KDM6A: variants seen among roughly 807,000 people sequenced by gnomAD.
The protein encoded by KDM6A is lysine demethylase 6A.
Under a neutral mutation model 117.6 loss-of-function variants are expected in KDM6A, and 11 were observed. The ratio of observed to expected loss-of-function variants is 0.09; its 90% confidence interval spans 0.06 to 0.15. The LOEUF (loss-of-function observed/expected upper bound fraction) is 0.15, where lower values mean the gene tolerates loss of function less well. KDM6A is among the 10% of genes least tolerant of loss of function. The probability of loss-of-function intolerance (pLI) is 1.00; values close to 1 mark genes in which losing one functional copy is unlikely to be tolerated. For synonymous variants in KDM6A, 384 were observed against 396.1 expected, an observed-to-expected ratio of 0.97 and a Z score of 0.36; for missense variants, 799 against 1,077.3, an observed-to-expected ratio of 0.74 and a Z score of 3.62.
At chrX:44,963,499 C>CTCTGTCTG (rs376377966) in intron 3 of KDM6A, among the ~76,000 whole-genome samples, 12 of 81,137 alleles carry the variant, frequency 1.5e-4, no homozygotes, top group Admixed American at 5.3e-4. Flanking sequence ...GTCTGTCTGT[C>CTCTGTCTG]TCTGTCTGTC....
intron 2 of KDM6A, among the ~76,000 whole-genome samples, chrX:44,941,601 C>T (rs1486995678): frequency 6.4e-5 from 7 of 108,920 alleles, no homozygotes; most frequent in Admixed American, 3.9e-4. Context: ...CTGCCCCAGC[C>T]TCCCGAGTAG....
chrX:45,072,577 C>G (rs2044902310), intron 18 of KDM6A, among the ~76,000 whole-genome samples: 1 of 110,313 alleles, frequency 9.1e-6, no homozygotes, highest in East Asian at 2.8e-4. Context: ...ACCTGCTCCT[C>G]ACTCATCTGC....
At chrX:44,913,046 C>T (rs111331492) in intron 2 of KDM6A, among the ~76,000 whole-genome samples, 1 of 111,325 alleles carries the variant, frequency 9.0e-6, no homozygotes, top group Non-Finnish European at 1.9e-5. Context: ...GTTTGAACTG[C>T]GTGGGCCCAC....
chrX:45,086,656 A>G (rs1159661697), intron 25 of KDM6A, among the ~76,000 whole-genome samples: 4 of 111,371 alleles, frequency 3.6e-5, no homozygotes, highest in African/African-American at 1.3e-4. Flanking sequence ...GATCCCAGAA[A>G]TAGCTTTTAT....
intron 3 of KDM6A, among the ~76,000 whole-genome samples, chrX:44,964,624 CTT>C (rs1158388912): frequency 9.0e-6 from 1 of 111,309 alleles, no homozygotes. Context: ...TGAAAGGAGT[CTT>C]TTTTTCTGAA....
rs190120210 is a variant in KDM6A, at chrX:45,096,914, A to C, written c.4034+6050A>C. On this transcript the variant is annotated intron_variant, in intron 27 of 29. Transcript: ENST00000611820. Reference sequence around the variant, plus strand: ...CTATCATAAAGACACATGCACACATATATTAATTGCAGCACTATTCACAAT... The same window carrying C: ...CTATCATAAAGACACATGCACACATCTATTAATTGCAGCACTATTCACAAT... Among the ~76,000 whole-genome samples, 3 of 112,080 alleles carry C rather than the reference A, an allele frequency of 2.7e-5. No individual in the cohort carries two copies. The Admixed American group carries it at 2.8e-4, about 11-fold the overall frequency.
intron 2 of KDM6A, among the ~76,000 whole-genome samples, chrX:44,888,166 G>C (rs780952006): frequency 2.7e-5 from 3 of 110,978 alleles, no homozygotes; most frequent in Non-Finnish European, 5.7e-5. Flanking sequence ...TTAACCGGGC[G>C]TGGTGGCGGG....
At chrX:44,876,336 T>G (rs1164904435) in intron 2 of KDM6A, among the ~76,000 whole-genome samples, 1 of 111,797 alleles carries the variant, frequency 8.9e-6, no homozygotes, top group Non-Finnish European at 1.9e-5. Context: ...TTGAATTGGG[T>G]TCTGAATGAA....
chrX:45,053,843 A>G lies in KDM6A; in HGVS notation c.763A>G (p.Thr255Ala). The G allele has an allele frequency of 8.4e-7, 1 of 1,195,305 alleles. No individual in the cohort carries two copies. The highest frequency in any genetic ancestry group is 1.8e-5 in the South Asian group (1 of 56,594). Residue 255 changes from threonine to alanine, a missense_variant, in exon 10 of 30, where the codon ACT becomes GCT. Transcript: ENST00000611820. ...VLQQLGWMHH[T>A]VDLLGDKATK... is the part of the protein sequence containing the mutation. ...ATTTACTGTAGGTTGGATGCATCAC[A>G]CTGTAGATCTCCTGGGAGATAAAGC... is the stretch of plus-strand genomic sequence containing the variant.
At chrX:45,071,833 G>A (rs1349764309) in intron 18 of KDM6A, among the ~76,000 whole-genome samples, 3 of 110,352 alleles carry the variant, frequency 2.7e-5, no homozygotes. Context: ...GCAATGGCGC[G>A]ATTTCAACTT....
At chrX:45,004,386 T>G (rs1041808797) in intron 4 of KDM6A, among the ~76,000 whole-genome samples, 1 of 111,768 alleles carries the variant, frequency 8.9e-6, no homozygotes, top group African/African-American at 3.3e-5. Flanking sequence ...GTTTCTGTTT[T>G]TCTTCATCCC....
At position 44,974,672 on chromosome X, in the gene KDM6A, C is replaced by G. The variant is rs767039378; in HGVS notation, c.341C>G (p.Ser114Cys). 6.8e-6 allele frequency: 8 copies of G among 1,172,300 alleles called. No homozygotes were observed. ...LLLEDYPKAL[S>C]AYQRYYSLQS... The stretch of plus-strand genomic sequence containing the variant: ...ATAATTATTTTCCTTTCAGCATTAT[C>G]TGCATACCAGAGGTACTACAGTTTA... The change falls in exon 4 of 30, where the codon TCT (serine) becomes TGT (cysteine). Residue 114 changes from serine (S) to cysteine (C), a missense_variant. Ser to Cys is a moderately radical substitution (Grantham distance 112). This residue lies in a region of KDM6A where 89 missense variants were observed against 117.8 expected (regional missense o/e 0.76). Coordinates refer to ENST00000611820, the MANE Select transcript of KDM6A (RefSeq NM_001291415.2).
At chrX:45,087,683 A>G (rs1339500076) in intron 25 of KDM6A, among the ~76,000 whole-genome samples, 1 of 112,132 alleles carries the variant, frequency 8.9e-6, no homozygotes, top group African/African-American at 3.2e-5. Context: ...ATCCTTGTTC[A>G]TTGTTTCTGA....
intron 6 of KDM6A, among the ~76,000 whole-genome samples, chrX:45,025,660 C>T (rs939767620): frequency 1.2e-4 from 14 of 112,198 alleles, no homozygotes; most frequent in Admixed American, 9.5e-5. Flanking sequence ...GAATAAGATA[C>T]AATGACACCC....
At chrX:44,949,067 CAAA>C (rs2037826702) in intron 2 of KDM6A, among the ~76,000 whole-genome samples, 1 of 111,760 alleles carries the variant, frequency 8.9e-6, no homozygotes, top group Non-Finnish European at 1.9e-5. Flanking sequence ...TATATTAAAT[CAAA>C]TAAAAATTTT....
intron 2 of KDM6A, among the ~76,000 whole-genome samples, chrX:44,907,458 T>TGG (rs1306676552): frequency 9.8e-6 from 1 of 102,415 alleles, no homozygotes; most frequent in East Asian, 3.0e-4. Context: ...TGTGTGTGTG[T>TGG]GTGTGTGTGT....
At chrX:44,985,399 A>G (rs1331394723) in intron 4 of KDM6A, among the ~76,000 whole-genome samples, 1 of 111,115 alleles carries the variant, frequency 9.0e-6, no homozygotes, top group African/African-American at 3.3e-5. Context: ...AATACCCTTT[A>G]TTTCCTTCTC....
chrX:45,020,145 C>T (rs989721802), intron 5 of KDM6A, among the ~76,000 whole-genome samples: 3 of 111,341 alleles, frequency 2.7e-5, no homozygotes, highest in African/African-American at 9.8e-5. Context: ...AGATAAGGTA[C>T]AGATGGTTTG....
intron 17 of KDM6A, among the ~76,000 whole-genome samples, chrX:45,069,011 A>G (rs1395762712): frequency 9.0e-6 from 1 of 110,793 alleles, no homozygotes; most frequent in African/African-American, 3.3e-5. Flanking sequence ...AGTCTTCTAA[A>G]TATGTGTGGA....
Sources: gnomAD v4.1 joint callset for allele counts (sites outside exome capture counted in the v4.1 genomes callset) on GRCh38, gnomAD v4.1.1 for gene constraint, gnomAD v4.1.1 regional missense constraint, MANE v1.5 for transcripts, NCBI Gene and HGNC (gene_info 2026-07-23, HGNC 2026-07-21) for gene names.